Variants in PAPPA2 observed in about 807,000 individuals in gnomAD.
The protein encoded by PAPPA2 is pappalysin-2.
In PAPPA2, 86 loss-of-function variants were observed where a neutral mutation model predicts 176.4. The ratio of observed to expected loss-of-function variants is 0.49; its 90% CI spans 0.41 to 0.58. PAPPA2 has a LOEUF of 0.58. Among genes scored for constraint, PAPPA2 ranks in the 20% least tolerant of loss-of-function variants. PAPPA2 has a pLI of 0.00. For missense variants in PAPPA2, 2,073 were observed against 2,256.9 expected, an observed-to-expected ratio of 0.92 and a Z score of 1.65; for synonymous variants, 809 against 852.2, an observed-to-expected ratio of 0.95 and a Z score of 0.88.
At chr1:176,825,386 G>C (rs1007479309) in intron 21 of PAPPA2, among the ~76,000 whole-genome samples, 1 of 152,152 alleles carries the variant, frequency 6.6e-6, no homozygotes, top group Admixed American at 6.5e-5. Flanking sequence ...TCATAAAGTA[G>C]CAAACTTCTT....
intron 3 of PAPPA2, among the ~76,000 whole-genome samples, chr1:176,629,388 G>A (rs377609685): frequency 7.2e-5 from 11 of 152,294 alleles, no homozygotes; most frequent in South Asian, 2.1e-4. Context: ...GAGGTCTGTG[G>A]AAGTCCAAAC....
chr1:176,598,112 A>G (rs1327794511), intron 3 of PAPPA2, among the ~76,000 whole-genome samples: 2 of 152,246 alleles, frequency 1.3e-5, no homozygotes, highest in Non-Finnish European at 2.9e-5. Flanking sequence ...ATAGTTAAAA[A>G]TACTAACTCA....
intron 3 of PAPPA2, among the ~76,000 whole-genome samples, chr1:176,622,298 A>C (rs1168247793): frequency 6.6e-6 from 1 of 152,228 alleles, no homozygotes; most frequent in Non-Finnish European, 1.5e-5. Flanking sequence ...TTATTTCATC[A>C]TTTAATTTCT....
At chr1:176,599,210 C>A (rs1490771868) in intron 3 of PAPPA2, among the ~76,000 whole-genome samples, 1 of 151,912 alleles carries the variant, frequency 6.6e-6, no homozygotes, top group South Asian at 2.1e-4. Context: ...TATACACACA[C>A]ACACACACAC....
At chr1:176,833,875 A>G (rs1667172254) in intron 21 of PAPPA2, among the ~76,000 whole-genome samples, 1 of 151,878 alleles carries the variant, frequency 6.6e-6, no homozygotes, top group Non-Finnish European at 1.5e-5. Flanking sequence ...TATATGATTT[A>G]TTTCAACTCC....
intron 10 of PAPPA2, 115 bp downstream of exon 10, chr1:176,706,565 G>GC: frequency 1.2e-6 from 1 of 835,472 alleles, no homozygotes; most frequent in Non-Finnish European, 1.9e-6. Context: ...AACCTCTGAT[G>GC]TGTCCCTTGT....
chr1:176,779,950 C>T (rs1218900431), intron 17 of PAPPA2, among the ~76,000 whole-genome samples: 1 of 152,158 alleles, frequency 6.6e-6, no homozygotes, highest in Non-Finnish European at 1.5e-5. Flanking sequence ...CTTTTTCTTC[C>T]AGCCCACATC....
At position 176,703,773 on chromosome 1, in the gene PAPPA2, G is replaced by A. The variant is rs887053737; in HGVS notation, c.3365+1038G>A. Among the ~76,000 whole-genome samples the A allele has an allele frequency of 4.6e-5, 7 of 152,236 alleles. No homozygotes were observed. In the East Asian group the frequency reaches 7.7e-4, roughly 17 times the overall value. On this transcript the variant is annotated intron_variant, in intron 9 of 22. Coordinates refer to ENST00000367662, the MANE Select transcript of PAPPA2 (RefSeq NM_020318.3). ...AAACACTAAAATGTTCCCAGCCCTCGATAATATGTGGAAGCCATTGAGGTC... is the reference window on the plus strand; with the variant it reads ...AAACACTAAAATGTTCCCAGCCCTCAATAATATGTGGAAGCCATTGAGGTC...
At chr1:176,463,676 C>A (rs1651481817) in intron 1 of PAPPA2, among the ~76,000 whole-genome samples, 2 of 152,146 alleles carry the variant, frequency 1.3e-5, no homozygotes, top group Admixed American at 1.3e-4. Flanking sequence ...TCTCATTTTT[C>A]TTTGATAAGT....
At position 176,769,652 on chromosome 1, in the gene PAPPA2, G is replaced by A. The variant is rs776290906; in HGVS notation, c.4369G>A (p.Val1457Met). The A allele has an allele frequency of 2.5e-6, 4 of 1,613,922 alleles. No individual in the cohort carries two copies. Among genetic ancestry groups the A allele is most frequent in the Non-Finnish European group, 3.4e-6 (4 of 1,179,966 alleles). Reference sequence around the variant, plus strand: ...TTCTTCTGGGCACTGGGACCAGAATGTGAGCTGCCTTCCCGTGGACTGCGG... The same window carrying A: ...TTCTTCTGGGCACTGGGACCAGAATATGAGCTGCCTTCCCGTGGACTGCGG... ...TCSSGHWDQN[V>M]SCLPVDCGVP... The change falls in exon 16 of 23, where the codon GTG becomes ATG. Residue 1457 changes from valine to methionine, a missense_variant. Around this residue, in one of 4 missense-constraint regions of PAPPA2, gnomAD observed 846 missense variants for 857.9 expected, o/e 0.99. Coordinates refer to ENST00000367662, the MANE Select transcript of PAPPA2 (RefSeq NM_020318.3).
intron 4 of PAPPA2, among the ~76,000 whole-genome samples, chr1:176,678,266 T>C (rs1219854457): frequency 1.3e-5 from 2 of 152,170 alleles, no homozygotes; most frequent in Admixed American, 1.3e-4. Flanking sequence ...AAACATCCAA[T>C]AATAGGTTTA....
At chr1:176,841,106 C>CTCA (rs763027462) in intron 22 of PAPPA2, among the ~76,000 whole-genome samples, 1 of 152,118 alleles carries the variant, frequency 6.6e-6, no homozygotes, top group African/African-American at 2.4e-5. Context: ...TGCTCAGGGG[C>CTCA]TCATCATATC....
At chr1:176,725,416 T>G (rs1359245537) in intron 12 of PAPPA2, among the ~76,000 whole-genome samples, 2 of 152,196 alleles carry the variant, frequency 1.3e-5, no homozygotes, top group Non-Finnish European at 2.9e-5. Flanking sequence ...TTAATTCTAC[T>G]TAGTAAACAA....
intron 2 of PAPPA2, among the ~76,000 whole-genome samples, chr1:176,580,442 G>A (rs1001897292): frequency 2.6e-5 from 4 of 152,058 alleles, no homozygotes; most frequent in African/African-American, 9.7e-5. Context: ...CTATATATTG[G>A]CTATTGTGAA....
At chr1:176,579,481 A>G (rs964708736) in intron 2 of PAPPA2, among the ~76,000 whole-genome samples, 1 of 152,180 alleles carries the variant, frequency 6.6e-6, no homozygotes, top group Non-Finnish European at 1.5e-5. Context: ...ACAGGGAGAC[A>G]TAAACAGCTG....
intron 21 of PAPPA2, among the ~76,000 whole-genome samples, chr1:176,823,109 G>T (rs549384595): frequency 1.3e-5 from 2 of 152,308 alleles, no homozygotes; most frequent in South Asian, 4.1e-4. Context: ...CATAAATGAA[G>T]AACATAATTT....
chr1:176,632,323 G>C (rs1040218704), intron 3 of PAPPA2, among the ~76,000 whole-genome samples: 1 of 151,606 alleles, frequency 6.6e-6, no homozygotes, highest in Non-Finnish European at 1.5e-5. Context: ...CAACTTTGAA[G>C]TTTTGTGGGC....
chr1:176,486,752 G>A (rs1652661385), intron 1 of PAPPA2, among the ~76,000 whole-genome samples: 1 of 152,136 alleles, frequency 6.6e-6, no homozygotes, highest in African/African-American at 2.4e-5. Context: ...ATGAGAGGGA[G>A]AGGCACAATG....
At chr1:176,839,658 A>G (rs1234483518) in intron 21 of PAPPA2, among the ~76,000 whole-genome samples, 9 of 152,152 alleles carry the variant, frequency 5.9e-5, no homozygotes. Flanking sequence ...GTGGAGGTTA[A>G]TATGTGAGAA....
Sources: allele counts gnomAD v4.1 joint callset (sites outside exome capture counted in the v4.1 genomes callset), GRCh38; gene constraint gnomAD v4.1.1; regional missense constraint gnomAD v4.1.1; transcripts MANE v1.5; gene names NCBI Gene and HGNC (gene_info 2026-07-23, HGNC 2026-07-21).